The following SLC15A5 variants were observed in gnomAD, a reference collection of about 807,000 sequenced individuals.
SLC15A5 encodes solute carrier family 15 member 5.
SLC15A5 carries 58 observed loss-of-function variants against 56.1 expected under a neutral mutation model. The observed-to-expected ratio is 1.03, with a 90% CI of 0.84 to 1.29. SLC15A5 has a LOEUF of 1.29. Ranked by LOEUF, SLC15A5 falls within the 50% of genes most tolerant of loss-of-function variation. The probability of loss-of-function intolerance (pLI) is 0.00; values close to 1 mark genes in which losing one functional copy is unlikely to be tolerated. For synonymous variants in SLC15A5, 264 were observed against 250.5 expected (o/e 1.05, Z -0.51); for missense variants, 681 against 672.1 (o/e 1.01, Z -0.15).
intron 6 of SLC15A5, among the ~76,000 whole-genome samples, chr12:16,221,643 A>C (rs190568417): frequency 6.6e-6 from 1 of 152,278 alleles, no homozygotes; most frequent in Admixed American, 6.5e-5. Context: ...GTGGAATTTC[A>C]ATCAGGGGAA....
At chr12:16,276,393 A>C (rs1864821252) in intron 1 of SLC15A5, among the ~76,000 whole-genome samples, 1 of 152,048 alleles carries the variant, frequency 6.6e-6, no homozygotes, top group South Asian at 2.1e-4. Context: ...CAAGTTGCTC[A>C]GATCAGAAAC....
chr12:16,216,881 A>G lies in SLC15A5; in HGVS notation c.1483+12T>C. On this transcript the variant is annotated intron_variant, in intron 7 of 8. Coordinates refer to ENST00000344941, the MANE Select transcript of SLC15A5 (RefSeq NM_001170798.1). ...CTCAATGTATATAAGCATGCCACGA[A>G]CCTATTTTTACCATCTGAGATGAGA... 2 of 1,533,586 alleles carry G rather than the reference A, an allele frequency of 1.3e-6. No homozygotes were observed. The highest frequency in any genetic ancestry group is 1.7e-6 in the Non-Finnish European group (2 of 1,145,396). The allele number at this position is 1,533,586 out of a possible 1,614,324, so 95.0% of individuals were successfully genotyped here.
chr12:16,214,164 G>A (rs796528650), intron 7 of SLC15A5, among the ~76,000 whole-genome samples: 44 of 152,262 alleles, frequency 2.9e-4, no homozygotes, highest in African/African-American at 1.1e-3. Context: ...TGTAATAAAT[G>A]CAATAATGCA....
chr12:16,220,570 A>C (rs1864175980), intron 6 of SLC15A5, among the ~76,000 whole-genome samples: 1 of 152,178 alleles, frequency 6.6e-6, no homozygotes, highest in Non-Finnish European at 1.5e-5. Flanking sequence ...ATTTTAATAA[A>C]GTTTTATTGG....
chr12:16,277,477 A>T lies in SLC15A5; in HGVS notation c.209T>A (p.Ile70Asn). ...TTGGCAATTGTGATAGCCAAGCTTG[A>T]TAGTGCAAAAGGGGATCATGTTGCA... ...VVCNMIPFCT[I>N]KLGYHNCQAA... Residue 70 changes from isoleucine to asparagine, a missense_variant, in exon 1 of 9, where the codon ATC becomes AAC. Coordinates refer to ENST00000344941, the MANE Select transcript of SLC15A5 (RefSeq NM_001170798.1). 1.3e-6 allele frequency: 2 copies of T among 1,536,594 alleles called. No homozygotes were observed. Among genetic ancestry groups the T allele is most frequent in the Non-Finnish European group, 8.7e-7 (1 of 1,146,456 alleles).
intron 3 of SLC15A5, among the ~76,000 whole-genome samples, chr12:16,246,447 C>T (rs548768375): frequency 2.4e-4 from 37 of 152,154 alleles, no homozygotes; most frequent in Non-Finnish European, 2.9e-4. Flanking sequence ...AGACTGAATT[C>T]GAACAAGCCT....
chr12:16,250,543 TAG>T (rs1411202034), intron 3 of SLC15A5, among the ~76,000 whole-genome samples: 1 of 152,024 alleles, frequency 6.6e-6, no homozygotes, highest in Admixed American at 6.6e-5. Flanking sequence ...ACAAGATGAA[TAG>T]AGAGACTTAA....
At chr12:16,259,456 C>G (rs576307613) in intron 2 of SLC15A5, among the ~76,000 whole-genome samples, 1 of 151,610 alleles carries the variant, frequency 6.6e-6, no homozygotes, top group South Asian at 2.1e-4. Context: ...CCTCTATTTC[C>G]TCTAAGTAAA....
chr12:16,238,991 C>A (rs1864382560), intron 5 of SLC15A5, among the ~76,000 whole-genome samples: 1 of 124,002 alleles, frequency 8.1e-6, no homozygotes, highest in South Asian at 3.7e-4. Context: ...AATAAGCAAA[C>A]TAAAACAAGG....
Position 16,257,874 on chromosome 12 carries a change from G to A in SLC15A5, c.585-4C>T. 2.1e-6 allele frequency: 3 copies of A among 1,460,714 alleles called. No individual in the cohort carries two copies. The highest frequency in any genetic ancestry group is 2.7e-6 in the Non-Finnish European group (3 of 1,116,452). The allele number at this position is 1,460,714 out of a possible 1,614,324, so 90.5% of individuals were successfully genotyped here. A position where few individuals can be genotyped will look rare whatever the true frequency, so the allele number is the denominator to read the frequency against. On this transcript the variant is annotated splice_region_variant and splice_polypyrimidine_tract_variant and intron_variant, in intron 2 of 8. Transcript: ENST00000344941. ...TAGGTTCATGAGCCAATAAAACCTG[G>A]GGTATACAGACAGACAAAAATAAAA...
chr12:16,246,738 C>A (rs558368098), intron 3 of SLC15A5, among the ~76,000 whole-genome samples: 7 of 152,100 alleles, frequency 4.6e-5, no homozygotes, highest in African/African-American at 7.2e-5. Flanking sequence ...ACTCACTAAC[C>A]GTTTTTTTGT....
At chr12:16,257,634 A>G in intron 3 of SLC15A5, 67 bp downstream of exon 3, 1 of 1,213,108 alleles carries the variant, frequency 8.2e-7, no homozygotes, top group Non-Finnish European at 1.1e-6. Context: ...AAAGAATCAA[A>G]GAGAAAGGAT....
intron 4 of SLC15A5, among the ~76,000 whole-genome samples, chr12:16,240,664 C>T (rs1025911660): frequency 2.6e-5 from 4 of 152,162 alleles, no homozygotes; most frequent in African/African-American, 9.7e-5. Context: ...AACTCTAACA[C>T]TGATTTGGAG....
At position 16,251,780 on chromosome 12, in the gene SLC15A5, C is replaced by A. The variant is rs572074913; in HGVS notation, c.754+5921G>T. Among the ~76,000 whole-genome samples, 5 of 76,132 alleles carry A rather than the reference C, an allele frequency of 6.6e-5. No individual in the cohort carries two copies. In the South Asian group the frequency reaches 3.0e-3, roughly 46 times the overall value. The allele number at this position is 76,132 out of a possible 152,430, so 49.9% of individuals were successfully genotyped here. ...AACACCTGTTTTTCTTCAACTCTTC[C>A]AAAGACTCTAAAAAGAGAAACATTC... On this transcript the variant is annotated intron_variant, in intron 3 of 8. Transcript: ENST00000344941.
chr12:16,257,386 C>G (rs1864587211), intron 3 of SLC15A5, among the ~76,000 whole-genome samples: 1 of 152,076 alleles, frequency 6.6e-6, no homozygotes, highest in African/African-American at 2.4e-5. Context: ...TCTTTATCTA[C>G]TTTTGTTTAT....
chr12:16,194,271 C>G (rs1863872977), intron 8 of SLC15A5, 74 bp downstream of exon 8: 1 of 888,102 alleles, frequency 1.1e-6, no homozygotes, highest in Non-Finnish European at 1.7e-6. Flanking sequence ...ACAGAATTCC[C>G]TGGCTCAGTG....
At chr12:16,270,984 A>G (rs2136823323) in intron 2 of SLC15A5, among the ~76,000 whole-genome samples, 1 of 152,340 alleles carries the variant, frequency 6.6e-6, no homozygotes, top group South Asian at 2.1e-4. Flanking sequence ...TTCTTTATAC[A>G]CATTTCTAGA....
chr12:16,263,817 A>G (rs527440472), intron 2 of SLC15A5, among the ~76,000 whole-genome samples: 1 of 152,260 alleles, frequency 6.6e-6, no homozygotes, highest in East Asian at 1.9e-4. Context: ...GGCAGCTTCC[A>G]TGTGTTGTTG....
chr12:16,240,135 G>C (rs1403933896), intron 4 of SLC15A5, among the ~76,000 whole-genome samples: 2 of 152,104 alleles, frequency 1.3e-5, no homozygotes, highest in African/African-American at 2.4e-5. Flanking sequence ...GAAAAGTAAT[G>C]ATGGCCCCAA....
Sources: allele counts gnomAD v4.1 joint callset (sites outside exome capture counted in the v4.1 genomes callset), GRCh38; gene constraint gnomAD v4.1.1; transcripts MANE v1.5; gene names NCBI Gene and HGNC (gene_info 2026-07-23, HGNC 2026-07-21).